The following PDE3B variants were observed in gnomAD, a reference collection of about 807,000 sequenced individuals.
The protein encoded by PDE3B is cGMP-inhibited 3',5'-cyclic phosphodiesterase 3B.
A neutral mutation model predicts 116.8 loss-of-function variants in PDE3B; 66 were observed. That is an observed-to-expected ratio of 0.56 (90% confidence interval 0.46 to 0.69). The LOEUF is 0.69. PDE3B is among the 30% of genes least tolerant of loss of function. The probability of loss-of-function intolerance (pLI) is 0.00; values close to 1 mark genes in which losing one functional copy is unlikely to be tolerated. For synonymous variants in PDE3B, 595 were observed against 533.6 expected, an observed-to-expected ratio of 1.12 and a Z score of -1.59; for missense variants, 1,384 against 1,368.1, an observed-to-expected ratio of 1.01 and a Z score of -0.18.
At chr11:14,730,148 C>T (rs538907852) in intron 1 of PDE3B, among the ~76,000 whole-genome samples, 10 of 152,156 alleles carry the variant, frequency 6.6e-5, no homozygotes, top group South Asian at 4.1e-4. Context: ...CTAAGAACCT[C>T]GATGTTGCTA....
chr11:14,798,967 C>A (rs1488748334), intron 4 of PDE3B, among the ~76,000 whole-genome samples: 1 of 152,122 alleles, frequency 6.6e-6, no homozygotes, highest in Non-Finnish European at 1.5e-5. Context: ...TTCTTGCCTT[C>A]TGCTAGCTTT....
chr11:14,742,830 C>A (rs773336562), intron 1 of PDE3B, among the ~76,000 whole-genome samples: 66 of 152,172 alleles, frequency 4.3e-4, no homozygotes, highest in Admixed American at 3.5e-3. Context: ...CCCTATGCTG[C>A]AGGTCTGCTG....
intron 1 of PDE3B, among the ~76,000 whole-genome samples, chr11:14,645,502 A>G (rs996554404): frequency 2.0e-5 from 3 of 152,244 alleles, no homozygotes; most frequent in East Asian, 1.9e-4. Context: ...GGATACATCT[A>G]TGAGTTTTAA....
At chr11:14,691,196 ATTT>A (rs904746439) in intron 1 of PDE3B, among the ~76,000 whole-genome samples, 10 of 152,100 alleles carry the variant, frequency 6.6e-5, no homozygotes, top group African/African-American at 2.4e-4. Flanking sequence ...TAATGCTGTA[ATTT>A]TTCTGCAAAT....
At chr11:14,680,319 G>A (rs1854662707) in intron 1 of PDE3B, among the ~76,000 whole-genome samples, 1 of 152,132 alleles carries the variant, frequency 6.6e-6, no homozygotes, top group Non-Finnish European at 1.5e-5. Context: ...CATGTATCCA[G>A]GCTTTGATGC....
Position 14,796,275 on chromosome 11 carries a change from T to C in PDE3B, c.1415+7033T>C, listed in dbSNP as rs567399300. On this transcript the variant is annotated intron_variant, in intron 4 of 15. Transcript: ENST00000282096. ...CACATTTTCTTTATCCAGTCTATCATTGATGGACACTTCGGTTGGTTCCAA... is the reference window on the plus strand; with the variant it reads ...CACATTTTCTTTATCCAGTCTATCACTGATGGACACTTCGGTTGGTTCCAA... 7.2e-5 allele frequency among the ~76,000 whole-genome samples: 11 copies of C among 152,364 alleles called. No homozygotes were observed. The East Asian group carries it at 1.2e-3, about 16-fold the overall frequency.
chr11:14,885,959 T>C, the PDE3B span: 1 of 1,584,734 alleles, frequency 6.3e-7, no homozygotes, highest in Non-Finnish European at 8.7e-7. Context: ...TGACAGCATG[T>C]ATGGAGAAAT....
chr11:14,779,574 C>T (rs1232047726), intron 2 of PDE3B, among the ~76,000 whole-genome samples: 1 of 152,122 alleles, frequency 6.6e-6, no homozygotes, highest in Non-Finnish European at 1.5e-5. Context: ...AACTAAGCTT[C>T]ATAAGTGAAG....
intron 4 of PDE3B, 121 bp downstream of exon 4, chr11:14,789,363 C>T (rs1769774547): frequency 1.5e-6 from 1 of 681,310 alleles, no homozygotes; most frequent in Non-Finnish European, 2.4e-6. Flanking sequence ...AGGTATAGGA[C>T]AACATGTGTA....
At chr11:14,678,924 G>C (rs955402675) in intron 1 of PDE3B, among the ~76,000 whole-genome samples, 8 of 152,066 alleles carry the variant, frequency 5.3e-5, no homozygotes, top group African/African-American at 1.7e-4. Flanking sequence ...TGCATTTTGA[G>C]TTGATTTTTG....
chr11:14,730,957 G>A (rs1236446651), intron 1 of PDE3B, among the ~76,000 whole-genome samples: 1 of 152,078 alleles, frequency 6.6e-6, no homozygotes, highest in Non-Finnish European at 1.5e-5. Flanking sequence ...AATTAAACAT[G>A]AACGATTAAA....
At chr11:14,880,633 G>C in the PDE3B span, 5 of 1,600,012 alleles carry the variant, frequency 3.1e-6, no homozygotes, top group Non-Finnish European at 4.3e-6. Context: ...TGTTTCAATA[G>C]CATCATTGAA....
intron 11 of PDE3B, among the ~76,000 whole-genome samples, chr11:14,839,588 C>G (rs183513395): frequency 5.9e-5 from 9 of 152,308 alleles, no homozygotes; most frequent in Admixed American, 5.9e-4. Context: ...ATATTTGGCA[C>G]AGAGCAATTG....
rs1035423445 is a variant in PDE3B at position 14,679,473 on chromosome 11, C to A, written c.978+34420C>A. On this transcript the variant is annotated intron_variant, in intron 1 of 15. Transcript: ENST00000282096. ...TCAAGACACCAAGAACCTAGACGCC[C>A]TCCACCGGTAACATATTTTGGCAAG... Among the ~76,000 whole-genome samples the A allele has an allele frequency of 3.3e-5, 5 of 152,208 alleles. No homozygotes were observed. In the East Asian group the frequency reaches 9.7e-4, roughly 29 times the overall value.
chr11:14,784,353 A>G (rs746233745), intron 2 of PDE3B, among the ~76,000 whole-genome samples: 1 of 152,214 alleles, frequency 6.6e-6, no homozygotes, highest in Non-Finnish European at 1.5e-5. Context: ...CAAAAATTAT[A>G]ACATCATCTG....
chr11:14,729,491 C>T (rs1257530307), intron 1 of PDE3B, among the ~76,000 whole-genome samples: 1 of 152,168 alleles, frequency 6.6e-6, no homozygotes, highest in African/African-American at 2.4e-5. Context: ...TTGTCCACTG[C>T]CACCTTTGTT....
chr11:14,879,599 A>C, the PDE3B span, among the ~76,000 whole-genome samples: 3 of 152,092 alleles, frequency 2.0e-5, no homozygotes, highest in Non-Finnish European at 4.4e-5. Flanking sequence ...GTTCTATTGA[A>C]ATATATGCTA....
chr11:14,728,055 C>T (rs1176841693), intron 1 of PDE3B, among the ~76,000 whole-genome samples: 1 of 152,048 alleles, frequency 6.6e-6, no homozygotes. Flanking sequence ...AAAGATCTAT[C>T]ATACATGCTT....
At chr11:14,797,283 C>A (rs1009533186) in intron 4 of PDE3B, among the ~76,000 whole-genome samples, 1 of 152,168 alleles carries the variant, frequency 6.6e-6, no homozygotes, top group African/African-American at 2.4e-5. Flanking sequence ...GTTCTGCAGC[C>A]TCTCCTGGTG....
Sources: allele counts gnomAD v4.1 joint callset (sites outside exome capture counted in the v4.1 genomes callset), GRCh38; gene constraint gnomAD v4.1.1; transcripts MANE v1.5; gene names NCBI Gene and HGNC (gene_info 2026-07-23, HGNC 2026-07-21).